The following DOCK2 variants were observed in gnomAD, a reference collection of about 807,000 sequenced individuals.
DOCK2 encodes dedicator of cytokinesis protein 2.
Under a neutral mutation model 248.9 loss-of-function variants are expected in DOCK2, and 87 were observed. That is an observed-to-expected ratio of 0.35 (90% CI 0.29 to 0.42). The LOEUF (loss-of-function observed/expected upper bound fraction) is 0.42, where lower values mean the gene tolerates loss of function less well. Among genes scored for constraint, DOCK2 ranks in the 10% least tolerant of loss-of-function variants. The pLI is 1.00. For missense variants in DOCK2, 1,747 were observed against 2,300.2 expected (o/e 0.76, Z 4.92); for synonymous variants, 805 against 821.6 (o/e 0.98, Z 0.35).
At chr5:169,679,332 T>C (rs1276560032) in intron 6 of DOCK2, among the ~76,000 whole-genome samples, 1 of 152,194 alleles carries the variant, frequency 6.6e-6, no homozygotes. Context: ...TACATCCTGA[T>C]GAGAGAATGC....
chr5:169,892,835 A>C (rs1773376028), intron 27 of DOCK2, among the ~76,000 whole-genome samples: 1 of 152,188 alleles, frequency 6.6e-6, no homozygotes, highest in African/African-American at 2.4e-5. Flanking sequence ...TAGCTGGATT[A>C]TCCTCTGGAT....
chr5:169,956,342 A>G (rs1419079964), intron 27 of DOCK2, among the ~76,000 whole-genome samples: 3 of 152,220 alleles, frequency 2.0e-5, no homozygotes, highest in African/African-American at 7.2e-5. Flanking sequence ...AGATTTAGCC[A>G]CAAGTGATAC....
intron 25 of DOCK2, among the ~76,000 whole-genome samples, chr5:169,792,762 C>A (rs1766425309): frequency 6.6e-6 from 1 of 152,218 alleles, no homozygotes; most frequent in Non-Finnish European, 1.5e-5. Context: ...TCTGGTGTGG[C>A]ACTGCAAATG....
At chr5:170,003,372 T>C (rs1362720213) in intron 30 of DOCK2, among the ~76,000 whole-genome samples, 1 of 152,234 alleles carries the variant, frequency 6.6e-6, no homozygotes, top group Non-Finnish European at 1.5e-5. Context: ...CACTGACACA[T>C]GTGCTCTTGA....
At chr5:169,945,050 C>G (rs1055971100) in intron 27 of DOCK2, among the ~76,000 whole-genome samples, 22 of 152,188 alleles carry the variant, frequency 1.4e-4, no homozygotes, top group African/African-American at 4.1e-4. Flanking sequence ...CTTAGCATGA[C>G]CAGGACAAAA....
At chr5:169,687,149 T>C (rs1760031898) in intron 8 of DOCK2, among the ~76,000 whole-genome samples, 2 of 152,126 alleles carry the variant, frequency 1.3e-5, no homozygotes, top group African/African-American at 4.8e-5. Flanking sequence ...TTGCTACATA[T>C]GATGGAAGGT....
chr5:169,916,850 G>A (rs1291667812), intron 27 of DOCK2, among the ~76,000 whole-genome samples: 1 of 152,124 alleles, frequency 6.6e-6, no homozygotes, highest in African/African-American at 2.4e-5. Context: ...TTAGTAATAT[G>A]CCCAAGTCAC....
chr5:169,708,770 G>A (rs1761421078), intron 15 of DOCK2, among the ~76,000 whole-genome samples: 1 of 152,104 alleles, frequency 6.6e-6, no homozygotes, highest in South Asian at 2.1e-4. Context: ...TCACCTTGTA[G>A]GCCAGGCTGG....
chr5:169,970,378 A>C (rs530225096), intron 27 of DOCK2, among the ~76,000 whole-genome samples: 65 of 152,372 alleles, frequency 4.3e-4, no homozygotes, highest in Admixed American at 7.8e-4. Context: ...AGGTTCATTT[A>C]TCCTGGGCAT....
chr5:169,683,930 A>G (rs945286908), intron 7 of DOCK2, among the ~76,000 whole-genome samples: 8 of 152,220 alleles, frequency 5.3e-5, no homozygotes, highest in Admixed American at 3.9e-4. Context: ...CATTTAAGCA[A>G]TATTTTTCTT....
chr5:169,667,033 C>T (rs1474051245), intron 2 of DOCK2, among the ~76,000 whole-genome samples: 2 of 152,136 alleles, frequency 1.3e-5, no homozygotes, highest in African/African-American at 2.4e-5. Context: ...CACACATAAC[C>T]GAGTTTTGAG....
intron 26 of DOCK2, among the ~76,000 whole-genome samples, chr5:169,827,294 G>C (rs531014756): frequency 6.6e-6 from 1 of 152,170 alleles, no homozygotes; most frequent in South Asian, 2.1e-4. Context: ...TTGGAGAGGA[G>C]CTGCAACCTG....
intron 22 of DOCK2, among the ~76,000 whole-genome samples, chr5:169,720,139 G>T (rs1173462031): frequency 6.6e-6 from 1 of 152,188 alleles, no homozygotes; most frequent in African/African-American, 2.4e-5. Context: ...GTCTGTTTCA[G>T]ATTCCTCTGG....
intron 25 of DOCK2, among the ~76,000 whole-genome samples, chr5:169,765,073 C>CACAA (rs1269370021): frequency 6.7e-6 from 1 of 149,476 alleles, no homozygotes; most frequent in Admixed American, 6.7e-5. Flanking sequence ...TTTTAGCGCA[C>CACAA]ACACACACAC....
chr5:170,056,685 T>A lies in DOCK2; in HGVS notation c.4297T>A (p.Phe1433Ile). ...CCTCAGCCTCTTCCTGTCTTTCAGC[T>A]TCTACAAATCCAACTACGTGCAAAG... ...NKPVPDQIINFYKSNYVQRFH... is the reference protein window; with the variant it reads ...NKPVPDQIINIYKSNYVQRFH... The change falls in exon 43 of 52, where the codon TTC becomes ATC. Residue 1433 changes from phenylalanine (F) to isoleucine (I), a missense_variant and splice_region_variant. Phe to Ile is a conservative substitution (Grantham distance 21). Transcript: ENST00000520908. 6.2e-7 allele frequency: 1 copy of A among 1,614,024 alleles called. No individual in the cohort carries two copies. The highest frequency in any genetic ancestry group is 8.5e-7 in the Non-Finnish European group (1 of 1,179,930).
chr5:170,030,807 C>A (rs531240175), intron 34 of DOCK2, among the ~76,000 whole-genome samples: 4 of 152,236 alleles, frequency 2.6e-5, no homozygotes. Flanking sequence ...CCTTTCCTCC[C>A]AGCCCCTCTT....
rs903297033 is a variant in DOCK2 at position 170,000,848 on chromosome 5, G to C, written c.3072+4684G>C. ...TATCCTGTGAAATGAAAAACTTCTA[G>C]ACTATTTCTAGCCATTAGTAGAGGC... On this transcript the variant is annotated intron_variant, in intron 30 of 51. Coordinates refer to ENST00000520908, the MANE Select transcript of DOCK2 (RefSeq NM_004946.3). Among the ~76,000 whole-genome samples the C allele has an allele frequency of 2.0e-5, 3 of 152,152 alleles. No individual in the cohort carries two copies. The East Asian group carries it at 5.8e-4, about 29-fold the overall frequency.
intron 25 of DOCK2, among the ~76,000 whole-genome samples, chr5:169,786,664 G>A (rs758258581): frequency 6.6e-6 from 1 of 152,144 alleles, no homozygotes; most frequent in Admixed American, 6.6e-5. Flanking sequence ...TAAGAGCACC[G>A]GCTCTGGAGT....
At chr5:170,017,968 A>C (rs1755592318) in intron 32 of DOCK2, among the ~76,000 whole-genome samples, 1 of 152,212 alleles carries the variant, frequency 6.6e-6, no homozygotes, top group Non-Finnish European at 1.5e-5. Flanking sequence ...GGAGCTGGAA[A>C]ATTTATTTTC....
Sources: gnomAD v4.1 joint callset for allele counts (sites outside exome capture counted in the v4.1 genomes callset) on GRCh38, gnomAD v4.1.1 for gene constraint, MANE v1.5 for transcripts, NCBI Gene and HGNC (gene_info 2026-07-23, HGNC 2026-07-21) for gene names.